Variants in HK2 observed in about 807,000 individuals in gnomAD.
HK2 encodes the protein hexokinase-2.
A neutral mutation model predicts 92.9 loss-of-function variants in HK2; 42 were observed. The observed-to-expected ratio is 0.45, with a 90% confidence interval of 0.35 to 0.58. HK2 has a LOEUF of 0.58. HK2 is among the 20% of genes least tolerant of loss of function. HK2 has a pLI of 0.00. For missense variants in HK2, 978 were observed against 1,245.1 expected, an observed-to-expected ratio of 0.79 and a Z score of 3.23; for synonymous variants, 422 against 468.0, an observed-to-expected ratio of 0.90 and a Z score of 1.27.
chr2:74,887,081 A>G (rs1689556865), intron 15 of HK2, among the ~76,000 whole-genome samples: 1 of 152,240 alleles, frequency 6.6e-6, no homozygotes, highest in African/African-American at 2.4e-5. Context: ...CAGTGTCACA[A>G]GGTCCTGTGC....
At chr2:74,882,675 A>G (rs1689433308) in intron 12 of HK2, among the ~76,000 whole-genome samples, 1 of 142,242 alleles carries the variant, frequency 7.0e-6, no homozygotes, top group Non-Finnish European at 1.5e-5. Context: ...TCTTACCTGC[A>G]TTATCTCGTT....
chr2:74,845,102 A>G (rs1310619449), intron 1 of HK2, among the ~76,000 whole-genome samples: 2 of 151,908 alleles, frequency 1.3e-5, no homozygotes, highest in African/African-American at 2.4e-5. Flanking sequence ...CAAGACAAAC[A>G]CTCCTCAGAT....
chr2:74,880,150 A>G, intron 9 of HK2, 115 bp from the exon 10 acceptor site: 1 of 1,107,022 alleles, frequency 9.0e-7, no homozygotes. Context: ...GGCAGCACCC[A>G]CTCCTGCAGG....
Position 74,869,115 on chromosome 2 carries a change from C to T in HK2, c.375+1331C>T, listed in dbSNP as rs560694680. On this transcript the variant is annotated intron_variant, in intron 3 of 17. Coordinates refer to ENST00000290573, the MANE Select transcript of HK2 (RefSeq NM_000189.5). ...AATATATAAGAAAAACAGTATAGTC[C>T]GGATTAAAAAAAAAAACAACTATGA... Among the ~76,000 whole-genome samples the T allele has an allele frequency of 2.3e-4, 34 of 148,248 alleles. No homozygotes were observed. The South Asian group carries it at 2.8e-3, about 12-fold the overall frequency.
chr2:74,878,981 C>T (rs1480797403), intron 9 of HK2, 60 bp downstream of exon 9: 16 of 1,340,976 alleles, frequency 1.2e-5, no homozygotes, highest in Non-Finnish European at 1.5e-5. Context: ...GGCTGAGTGA[C>T]TCCTCATGCC....
At chr2:74,858,621 A>T (rs966289469) in intron 2 of HK2, among the ~76,000 whole-genome samples, 3 of 152,044 alleles carry the variant, frequency 2.0e-5, no homozygotes, top group African/African-American at 4.8e-5. Context: ...GGTGTGTAAG[A>T]CTCCCAGGTT....
rs754812032 is a variant in HK2, at chr2:74,867,755, G to A, written c.346G>A (p.Glu116Lys). The A allele has an allele frequency of 1.2e-6, 2 of 1,614,172 alleles. No individual in the cohort carries two copies. Among genetic ancestry groups the A allele is most frequent in the Admixed American group, 3.3e-5 (2 of 60,016 alleles). The change falls in exon 3 of 18, where the codon GAG (glutamate) becomes AAG (lysine). Residue 116 changes from glutamate to lysine, a missense_variant. Physicochemically the swap from Glu to Lys is moderately conservative, Grantham distance 56. Transcript: ENST00000290573. Reference sequence around the variant, plus strand: ...GGAGAATCAGATCTATGCCATCCCTGAGGACATCATGCGAGGCAGTGGCAC... The same window carrying A: ...GGAGAATCAGATCTATGCCATCCCTAAGGACATCATGCGAGGCAGTGGCAC... ...EMENQIYAIP[E>K]DIMRGSGTQL...
intron 1 of HK2, among the ~76,000 whole-genome samples, chr2:74,845,564 A>G (rs1362943334): frequency 6.6e-6 from 1 of 152,238 alleles, no homozygotes; most frequent in Non-Finnish European, 1.5e-5. Context: ...CCTGTGACTC[A>G]CAACCGCTGC....
At chr2:74,879,453 C>G (rs779182312) in intron 9 of HK2, among the ~76,000 whole-genome samples, 1 of 152,186 alleles carries the variant, frequency 6.6e-6, no homozygotes, top group Non-Finnish European at 1.5e-5. Flanking sequence ...AATAAGAATG[C>G]CAGGTCAATG....
chr2:74,873,072 A>G (rs1366374295), intron 4 of HK2, among the ~76,000 whole-genome samples: 1 of 152,206 alleles, frequency 6.6e-6, no homozygotes, highest in Non-Finnish European at 1.5e-5. Flanking sequence ...TGACTGAAAC[A>G]TTGTTATGCG....
At chr2:74,859,971 T>C (rs909348938) in intron 2 of HK2, among the ~76,000 whole-genome samples, 5 of 152,228 alleles carry the variant, frequency 3.3e-5, no homozygotes, top group Non-Finnish European at 1.5e-5. Context: ...ATATACATAA[T>C]AGAATACTGT....
chr2:74,847,420 G>A (rs1026835678), intron 1 of HK2, among the ~76,000 whole-genome samples: 1 of 152,186 alleles, frequency 6.6e-6, no homozygotes, highest in Non-Finnish European at 1.5e-5. Flanking sequence ...GCTCATGCTT[G>A]TAATCCCAGC....
intron 15 of HK2, among the ~76,000 whole-genome samples, chr2:74,887,330 G>A (rs947150455): frequency 3.9e-5 from 6 of 151,920 alleles, no homozygotes; most frequent in African/African-American, 1.2e-4. Flanking sequence ...GGTGGTGATG[G>A]GCTATTGGTT....
At chr2:74,838,337 G>C (rs965628086) in intron 1 of HK2, among the ~76,000 whole-genome samples, 23 of 152,116 alleles carry the variant, frequency 1.5e-4, no homozygotes, top group African/African-American at 5.3e-4. Flanking sequence ...GGGCCAGCTA[G>C]TCTTAGGCTA....
chr2:74,849,114 A>T (rs1323255664), intron 1 of HK2, among the ~76,000 whole-genome samples: 1 of 152,204 alleles, frequency 6.6e-6, no homozygotes, highest in Non-Finnish European at 1.5e-5. Context: ...TGTGACAGTG[A>T]CACAATTTCC....
At chr2:74,872,760 A>G (rs1689127803) in intron 4 of HK2, among the ~76,000 whole-genome samples, 1 of 152,200 alleles carries the variant, frequency 6.6e-6, no homozygotes, top group East Asian at 1.9e-4. Flanking sequence ...TAAGGACACA[A>G]GTACAGTCAT....
intron 10 of HK2, among the ~76,000 whole-genome samples, chr2:74,881,403 C>T (rs1689388021): frequency 6.6e-6 from 1 of 152,192 alleles, no homozygotes. Flanking sequence ...TCAGCCAGAT[C>T]CCAATCATCC....
chr2:74,845,253 C>T (rs1688409382), intron 1 of HK2, among the ~76,000 whole-genome samples: 1 of 152,264 alleles, frequency 6.6e-6, no homozygotes, highest in South Asian at 2.1e-4. Flanking sequence ...TCAGCCCCTT[C>T]CTGGCAGAGG....
Position 74,834,514 on chromosome 2 carries a change from G to C in HK2, c.-67G>C, listed in dbSNP as rs917217305. On this transcript the variant is annotated 5_prime_UTR_variant, in exon 1 of 18. Transcript: ENST00000290573. The surrounding 1 kb of genome is among the most constrained non-coding windows in gnomAD (Gnocchi z 4.2). ...CCCCAGCACAAAGCAGTCGGACCGC[G>C]CCGCCCGCCTCCCCTCTCGCGTCTC... 5 of 1,525,794 alleles carry C rather than the reference G, an allele frequency of 3.3e-6. No homozygotes were observed. The highest frequency in any genetic ancestry group is 4.5e-6 in the Non-Finnish European group (5 of 1,101,566). The allele number at this position is 1,525,794 out of a possible 1,614,324, so 94.5% of individuals were successfully genotyped here.
Sources: allele counts gnomAD v4.1 joint callset (sites outside exome capture counted in the v4.1 genomes callset), GRCh38; gene constraint gnomAD v4.1.1; non-coding constraint Gnocchi (gnomAD v3.1); transcripts MANE v1.5; gene names NCBI Gene and HGNC (gene_info 2026-07-23, HGNC 2026-07-21).